The following DACH2 variants were observed in gnomAD, a reference collection of about 807,000 sequenced individuals.
DACH2 encodes dachshund family transcription factor 2, also known as dachshund homolog 2.
In DACH2, 17 loss-of-function variants were observed where a neutral mutation model predicts 35.8. The ratio of observed to expected loss-of-function variants is 0.48; its 90% CI spans 0.33 to 0.71. The LOEUF (loss-of-function observed/expected upper bound fraction) is 0.71. DACH2 is among the 30% of genes least tolerant of loss of function. DACH2 has a pLI of 0.02. For synonymous variants in DACH2, 195 were observed against 177.3 expected, an observed-to-expected ratio of 1.10 and a Z score of -0.79; for missense variants, 469 against 472.7, an observed-to-expected ratio of 0.99 and a Z score of 0.07.
chrX:86,790,544 T>C (rs2042177247), intron 7 of DACH2, among the ~76,000 whole-genome samples: 1 of 111,524 alleles, frequency 9.0e-6, no homozygotes, highest in African/African-American at 3.3e-5. Context: ...ATATAACTCT[T>C]TGTTTATTTG....
chrX:86,550,305 GA>G (rs1437299375), intron 3 of DACH2, among the ~76,000 whole-genome samples: 1 of 111,319 alleles, frequency 9.0e-6, no homozygotes, highest in Non-Finnish European at 1.9e-5. Flanking sequence ...TATCTTATAG[GA>G]GAGAATTGAA....
At chrX:86,768,119 A>G (rs930748261) in intron 7 of DACH2, among the ~76,000 whole-genome samples, 4 of 111,403 alleles carry the variant, frequency 3.6e-5, no homozygotes, top group African/African-American at 1.3e-4. Flanking sequence ...GTCTTAGAGT[A>G]CTGTGCTCAA....
At chrX:86,722,518 TG>T (rs1216071492) in intron 6 of DACH2, among the ~76,000 whole-genome samples, 1 of 62,466 alleles carries the variant, frequency 1.6e-5, no homozygotes, top group African/African-American at 8.2e-5. Flanking sequence ...CTGGCTAATG[TG>T]TTTTTTTTTT....
intron 3 of DACH2, among the ~76,000 whole-genome samples, chrX:86,616,462 T>C (rs757016016): frequency 8.9e-6 from 1 of 112,228 alleles, no homozygotes; most frequent in Non-Finnish European, 1.9e-5. Flanking sequence ...ATAGCCATTC[T>C]GACTGGTGTA....
intron 4 of DACH2, among the ~76,000 whole-genome samples, chrX:86,652,677 T>G (rs1310864633): frequency 8.9e-6 from 1 of 112,336 alleles, no homozygotes; most frequent in Non-Finnish European, 1.9e-5. Flanking sequence ...TGGTTTTGAT[T>G]TGCATTTCTC....
At chrX:86,242,210 C>G (rs1178088260) in intron 1 of DACH2, among the ~76,000 whole-genome samples, 3 of 112,439 alleles carry the variant, frequency 2.7e-5, no homozygotes, top group African/African-American at 9.7e-5. Context: ...CATTGCCAGA[C>G]CATGAAAGCA....
chrX:86,607,999 G>A (rs1370865074), intron 3 of DACH2, among the ~76,000 whole-genome samples: 1 of 105,035 alleles, frequency 9.5e-6, no homozygotes, highest in African/African-American at 3.5e-5. Context: ...TATCATTGTT[G>A]GACATTTGGG....
intron 11 of DACH2, among the ~76,000 whole-genome samples, chrX:86,825,180 C>G (rs748961621): frequency 9.0e-6 from 1 of 111,118 alleles, no homozygotes; most frequent in Non-Finnish European, 1.9e-5. Context: ...TTTGGGAGAC[C>G]GAGGCAGGTG....
chrX:86,364,250 G>T (rs1030195335), intron 1 of DACH2, among the ~76,000 whole-genome samples: 2 of 111,549 alleles, frequency 1.8e-5, no homozygotes, highest in Non-Finnish European at 3.8e-5. Context: ...TTCATACTAC[G>T]AATGCATCTT....
At chrX:86,572,872 A>C (rs1055327865) in intron 3 of DACH2, among the ~76,000 whole-genome samples, 1 of 111,474 alleles carries the variant, frequency 9.0e-6, no homozygotes, top group African/African-American at 3.3e-5. Context: ...GTGATTTCAC[A>C]TGATGCTCCC....
At position 86,434,633 on chromosome X, in the gene DACH2, C is replaced by T. The variant is rs184965263; in HGVS notation, c.527+57771C>T. On this transcript the variant is annotated intron_variant, in intron 2 of 11. Transcript: ENST00000373125. ...ATGTATTACCAGGTCCCATTTTGTC[C>T]CTTTTTGTGTACATCCATAGAAGAT... Among the ~76,000 whole-genome samples, 31 of 111,946 alleles carry T rather than the reference C, an allele frequency of 2.8e-4. No individual in the cohort carries two copies. In the East Asian group the frequency reaches 3.6e-3, roughly 13 times the overall value.
At position 86,702,198 on chromosome X, in the gene DACH2, T is replaced by C. The variant is rs147231501; in HGVS notation, c.931+7019T>C. Among the ~76,000 whole-genome samples, 650 of 111,528 alleles carry C rather than the reference T, an allele frequency of 5.8e-3. 5 individuals carry two copies. Among genetic ancestry groups the C allele is most frequent in the African/African-American group, 0.019 (595 of 30,773 alleles). ...TTTTGGTTTGACAATAAAATCAAGATGGAAATTTTAAAAATATTCAAAATG... is the reference window on the plus strand; with the variant it reads ...TTTTGGTTTGACAATAAAATCAAGACGGAAATTTTAAAAATATTCAAAATG... On this transcript the variant is annotated intron_variant, in intron 5 of 11. Transcript: ENST00000373125.
intron 1 of DACH2, among the ~76,000 whole-genome samples, chrX:86,236,770 G>T (rs998411410): frequency 1.8e-5 from 2 of 112,215 alleles, no homozygotes; most frequent in Admixed American, 9.4e-5. Flanking sequence ...CACTGGGTAA[G>T]TTGGTGAAGG....
intron 5 of DACH2, among the ~76,000 whole-genome samples, chrX:86,709,160 GT>G (rs1299754757): frequency 9.0e-6 from 1 of 111,654 alleles, no homozygotes; most frequent in Non-Finnish European, 1.9e-5. Flanking sequence ...TTACTGTAAA[GT>G]TATAGTAATC....
At chrX:86,697,862 C>T (rs1387865006) in intron 5 of DACH2, among the ~76,000 whole-genome samples, 1 of 111,147 alleles carries the variant, frequency 9.0e-6, no homozygotes, top group Non-Finnish European at 1.9e-5. Context: ...ACAGAATAGA[C>T]TAAGAACTGT....
chrX:86,517,695 G>A (rs912232813), intron 3 of DACH2, among the ~76,000 whole-genome samples: 4 of 111,371 alleles, frequency 3.6e-5, no homozygotes, highest in African/African-American at 9.8e-5. Context: ...TGGGATTACG[G>A]TTGTGAGCCA....
intron 3 of DACH2, among the ~76,000 whole-genome samples, chrX:86,570,651 G>A (rs1363255272): frequency 1.8e-5 from 2 of 110,015 alleles, no homozygotes; most frequent in African/African-American, 6.6e-5. Context: ...CCTAGTTGAT[G>A]GGTTGACAGG....
At position 86,314,413 on chromosome X, in the gene DACH2, G is replaced by A. The variant is rs745438097; in HGVS notation, c.489-62411G>A. Among the ~76,000 whole-genome samples, 4 of 110,900 alleles carry A rather than the reference G, an allele frequency of 3.6e-5. No homozygotes were observed. In the East Asian group the frequency reaches 1.1e-3, roughly 32 times the overall value. On this transcript the variant is annotated intron_variant, in intron 1 of 11. Coordinates refer to ENST00000373125, the MANE Select transcript of DACH2 (RefSeq NM_053281.3). ...CATGCCTGTAGTCCCAGCTGCTAGG[G>A]AGGATGAAATAGGAGGATCACTTGG...
chrX:86,360,562 C>A (rs1235933662), intron 1 of DACH2, among the ~76,000 whole-genome samples: 1 of 111,455 alleles, frequency 9.0e-6, no homozygotes, highest in East Asian at 2.8e-4. Flanking sequence ...ATCATATCAA[C>A]CCAATACATG....
Sources: gnomAD v4.1 joint callset for allele counts (sites outside exome capture counted in the v4.1 genomes callset) on GRCh38, gnomAD v4.1.1 for gene constraint, MANE v1.5 for transcripts, NCBI Gene and HGNC (gene_info 2026-07-23, HGNC 2026-07-21) for gene names.